Variants in SYTL2 observed in about 807,000 individuals in gnomAD.
SYTL2 encodes synaptotagmin like 2.
SYTL2 carries 165 observed loss-of-function variants against 198.7 expected under a neutral mutation model. The ratio of observed to expected loss-of-function variants is 0.83; its 90% CI spans 0.73 to 0.94. The LOEUF is 0.94. Among genes scored for constraint, SYTL2 ranks in the 40% least tolerant of loss-of-function variants. The probability of loss-of-function intolerance (pLI) is 0.00; values close to 1 mark genes in which losing one functional copy is unlikely to be tolerated. For missense variants in SYTL2, 2,835 were observed against 2,582.8 expected, an observed-to-expected ratio of 1.10 and a Z score of -2.12; for synonymous variants, 966 against 917.7, an observed-to-expected ratio of 1.05 and a Z score of -0.95.
the SYTL2 span, among the ~76,000 whole-genome samples, chr11:85,831,888 A>G: frequency 1.3e-5 from 2 of 152,266 alleles, no homozygotes; most frequent in Non-Finnish European, 2.9e-5. Context: ...TGTACAACTT[A>G]ATAAATTTTG....
intron 7 of SYTL2, 102 bp downstream of exon 7, chr11:85,733,837 G>A: frequency 1.2e-6 from 1 of 859,378 alleles, no homozygotes; most frequent in Non-Finnish European, 1.8e-6. Context: ...CTGACCTCAT[G>A]ATCCACCCGC....
At chr11:85,815,501 G>A (rs1326124365), upstream of SYTL2, among the ~76,000 whole-genome samples, 1 of 152,184 alleles carries the variant, frequency 6.6e-6, no homozygotes, top group African/African-American at 2.4e-5. Context: ...ATCAAATTGT[G>A]TTAGCAATCT....
At chr11:85,707,985 C>T (rs1446309089) in intron 14 of SYTL2, 1 of 253,284 alleles carries the variant, frequency 3.9e-6, no homozygotes, top group East Asian at 1.5e-4. Context: ...ACCACACACA[C>T]ACACACACAC....
chr11:85,850,865 T>C, the SYTL2 span, among the ~76,000 whole-genome samples: 2 of 150,290 alleles, frequency 1.3e-5, no homozygotes, highest in African/African-American at 4.9e-5. Context: ...GATGAGTTCA[T>C]GTCCTTTGTA....
the SYTL2 span, chr11:85,853,274 AG>A: frequency 2.1e-5 from 9 of 437,158 alleles, no homozygotes; most frequent in Non-Finnish European, 3.2e-5. Flanking sequence ...TGTCTTGAGT[AG>A]AAAAAAGTAG....
At chr11:85,717,456 AT>A in intron 11 of SYTL2, 26 bp downstream of exon 11, 3 of 1,600,356 alleles carry the variant, frequency 1.9e-6, no homozygotes, top group Non-Finnish European at 2.6e-6. Context: ...ATGTTTAGTC[AT>A]TTGTGAGAAA....
chr11:85,844,804 T>C, the SYTL2 span, among the ~76,000 whole-genome samples: 1 of 151,996 alleles, frequency 6.6e-6, no homozygotes, highest in Non-Finnish European at 1.5e-5. Context: ...GTTCCCAGCC[T>C]CCTCTACACT....
In SYTL2 at chr11:85,727,812, C is replaced by T. The variant is rs2089380317; in HGVS notation, c.1546G>A (p.Asp516Asn). ...TCTAGAACTTTAAATATGGAATCAT[C>T]AGTTGACTTCTTTATCTCAGTGGCA... ...PYATEIKKST[D>N]DSIFKVLDWF... The change falls in exon 8 of 20, where the codon GAT becomes AAT. Residue 516 changes from aspartate to asparagine, a missense_variant. Transcript: ENST00000359152. The T allele has an allele frequency of 6.2e-7, 1 of 1,607,020 alleles. No homozygotes were observed. The highest frequency in any genetic ancestry group is 2.2e-5 in the East Asian group (1 of 44,794).
Position 85,710,946 on chromosome 11 carries a change from T to TA in SYTL2, c.5745+166dup, listed in dbSNP as rs376974442. 2.2e-3 allele frequency among the ~76,000 whole-genome samples: 317 copies of TA among 144,624 alleles called. 3 individuals carry two copies. Among genetic ancestry groups the TA allele is most frequent in the African/African-American group, 6.5e-3 (255 of 39,468 alleles). The allele number at this position is 144,624 out of a possible 152,430, so 94.9% of individuals were successfully genotyped here. On this transcript the variant is annotated intron_variant, in intron 13 of 19. Transcript: ENST00000359152. ...ATGATGGATATGAACCCCGTTAGTC[T>TA]AAAAAAAAAAAGATAGATGTAGCTA...
rs965354995 is a variant in SYTL2, at chr11:85,748,145, G to A, written c.253+127C>T. ...AGGCAAGGGAAATTTAAACTAGAGG[G>A]CCACACATTATGAAAAGTGTACATC... On this transcript the variant is annotated intron_variant, in intron 3 of 19. Coordinates refer to ENST00000359152, the MANE Select transcript of SYTL2 (RefSeq NM_206927.4). 5 of 1,085,460 alleles carry A rather than the reference G, an allele frequency of 4.6e-6. No homozygotes were observed. In the African/African-American group the frequency reaches 7.9e-5, roughly 17 times the overall value. The allele number at this position is 1,085,460 out of a possible 1,614,324, so 67.2% of individuals were successfully genotyped here. A position where few individuals can be genotyped will look rare whatever the true frequency, so the allele number is the denominator to read the frequency against.
At chr11:85,718,125 A>C (rs1349229102) in intron 10 of SYTL2, 2 of 169,934 alleles carry the variant, frequency 1.2e-5, no homozygotes, top group Non-Finnish European at 2.6e-5. Context: ...ATGCAAATAC[A>C]AATTATACAT....
At chr11:85,829,336 G>A in the SYTL2 span, among the ~76,000 whole-genome samples, 1 of 152,078 alleles carries the variant, frequency 6.6e-6, no homozygotes, top group Non-Finnish European at 1.5e-5. Flanking sequence ...CAGTTCTTAG[G>A]ATAATGGTCT....
chr11:85,813,241 G>A (rs1261860036), upstream of SYTL2, among the ~76,000 whole-genome samples: 1 of 152,086 alleles, frequency 6.6e-6, no homozygotes, highest in South Asian at 2.1e-4. Context: ...AGATCCAAAT[G>A]CTGTTAGAAA....
intron 7 of SYTL2, among the ~76,000 whole-genome samples, chr11:85,732,832 C>G (rs903371585): frequency 1.3e-5 from 2 of 152,130 alleles, no homozygotes; most frequent in African/African-American, 4.8e-5. Context: ...GGGTTCGATG[C>G]AGGCTTACTG....
intron 1 of SYTL2, among the ~76,000 whole-genome samples, chr11:85,779,045 T>C (rs1160504818): frequency 1.3e-5 from 2 of 152,040 alleles, no homozygotes; most frequent in African/African-American, 2.4e-5. Context: ...TGTACTATAC[T>C]ATATATATTA....
In SYTL2 at chr11:85,727,938, G is replaced by C. The variant is rs144927884; in HGVS notation, c.1420C>G (p.Pro474Ala). ...DELSHCVEPEPSQVPGGSSRD... is the reference protein window; with the variant it reads ...DELSHCVEPEASQVPGGSSRD... ...GAACTGCCACCTGGCACCTGAGATGGCTCAGGCTCAACACAATGAGACAGT... is the reference window on the plus strand; with the variant it reads ...GAACTGCCACCTGGCACCTGAGATGCCTCAGGCTCAACACAATGAGACAGT... The change falls in exon 8 of 20, where the codon CCA (proline) becomes GCA (alanine). Residue 474 changes from proline (P) to alanine (A), a missense_variant. This residue lies in a region of SYTL2 where 2,645 missense variants were observed against 2,381.7 expected (regional missense o/e 1.11). Coordinates refer to ENST00000359152, the MANE Select transcript of SYTL2 (RefSeq NM_206927.4). 119 of 1,611,734 alleles carry C rather than the reference G, an allele frequency of 7.4e-5. No individual in the cohort carries two copies. Among genetic ancestry groups the C allele is most frequent in the Non-Finnish European group, 3.8e-5 (45 of 1,179,302 alleles).
chr11:85,776,386 T>A (rs987379325), intron 1 of SYTL2, among the ~76,000 whole-genome samples: 1 of 152,196 alleles, frequency 6.6e-6, no homozygotes, highest in Non-Finnish European at 1.5e-5. Flanking sequence ...TCTCCTAATG[T>A]TATCCCTCCC....
rs777643208 is a variant in SYTL2 at position 85,726,396 on chromosome 11, A to C, written c.2962T>G (p.Phe988Val). 1.2e-6 allele frequency: 2 copies of C among 1,613,172 alleles called. No individual in the cohort carries two copies. Among genetic ancestry groups the C allele is most frequent in the African/African-American group, 2.7e-5 (2 of 74,798 alleles). Residue 988 changes from phenylalanine to valine, a missense_variant, in exon 8 of 20, where the codon TTT (phenylalanine) becomes GTT (valine). By Grantham distance (50) the Phe-to-Val change is conservative (BLOSUM62 -1). Transcript: ENST00000359152. ...NPSQFENLRK[F>V]WDLEANSNSK... The stretch of plus-strand genomic sequence containing the variant: ...TTTGAATTAGCTTCTAAGTCCCAAA[A>C]CTTTCTCAAATTCTCAAACTGAGAG...
intron 1 of SYTL2, among the ~76,000 whole-genome samples, chr11:85,787,875 T>G (rs144031159): frequency 2.0e-5 from 3 of 152,106 alleles, no homozygotes; most frequent in Non-Finnish European, 2.9e-5. Context: ...TGAAAGCTAC[T>G]TGTACTCAGG....
Sources: allele counts gnomAD v4.1 joint callset (sites outside exome capture counted in the v4.1 genomes callset), GRCh38; gene constraint gnomAD v4.1.1; regional missense constraint gnomAD v4.1.1; transcripts MANE v1.5; gene names NCBI Gene and HGNC (gene_info 2026-07-23, HGNC 2026-07-21).